Variants in GNG12 observed in about 807,000 individuals in gnomAD.
GNG12 encodes the protein G protein subunit gamma 12, also known as guanine nucleotide-binding protein G(I)/G(S)/G(O) subunit gamma-12.
For missense variants in GNG12, 69 were observed against 83.8 expected (o/e 0.82, Z 0.69); for synonymous variants, 28 against 29.7 (o/e 0.94, Z 0.19).
chr1:67,811,581 T>A (rs1161205835), intron 1 of GNG12, among the ~76,000 whole-genome samples: 2 of 152,142 alleles, frequency 1.3e-5, no homozygotes, highest in East Asian at 3.9e-4. Flanking sequence ...GGACAAAAAT[T>A]TTCAGAAGTG....
chr1:67,807,691 T>C (rs1046411409), intron 1 of GNG12, among the ~76,000 whole-genome samples: 8 of 152,044 alleles, frequency 5.3e-5, no homozygotes, highest in Non-Finnish European at 2.9e-5. Context: ...GCACAATCTA[T>C]GTACACAAAT....
chr1:67,720,943 T>A (rs3766255), intron 2 of GNG12, among the ~76,000 whole-genome samples: 1 of 152,022 alleles, frequency 6.6e-6, no homozygotes, highest in South Asian at 2.1e-4. Context: ...AATAATATAT[T>A]CTTAAGACCA....
intron 2 of GNG12, among the ~76,000 whole-genome samples, chr1:67,711,939 G>C (rs1390285719): frequency 6.6e-6 from 1 of 152,228 alleles, no homozygotes; most frequent in Non-Finnish European, 1.5e-5. Context: ...ACCGTTTCAA[G>C]TTAAGGAGCC....
intron 1 of GNG12, among the ~76,000 whole-genome samples, chr1:67,809,811 T>C (rs1646913292): frequency 6.6e-6 from 1 of 152,090 alleles, no homozygotes; most frequent in African/African-American, 2.4e-5. Flanking sequence ...ACAGAAACTC[T>C]CATTCACTGT....
chr1:67,788,302 A>G (rs566598738), intron 1 of GNG12, among the ~76,000 whole-genome samples: 70 of 152,282 alleles, frequency 4.6e-4, no homozygotes, highest in Admixed American at 4.1e-3. Flanking sequence ...AGTTAACCAA[A>G]TATCTTTCAG....
Position 67,773,680 on chromosome 1 carries a change from T to G in GNG12, c.-27+3778A>C, listed in dbSNP as rs142015144. Among the ~76,000 whole-genome samples, 560 of 152,290 alleles carry G rather than the reference T, an allele frequency of 3.7e-3. 3 individuals are homozygous for G. The highest frequency in any genetic ancestry group is 0.013 in the African/African-American group (532 of 41,560). ...AACCACAACACAGACTGAGTCATAG[T>G]GTAGAATGACTTGAGAGTTGAGAGA... On this transcript the variant is annotated intron_variant, in intron 2 of 3. Coordinates refer to ENST00000370982, the MANE Select transcript of GNG12 (RefSeq NM_018841.6).
chr1:67,810,803 C>T (rs531635772), intron 1 of GNG12, among the ~76,000 whole-genome samples: 42 of 152,168 alleles, frequency 2.8e-4, no homozygotes, highest in Non-Finnish European at 5.3e-4. Context: ...CTGTGATGAC[C>T]GCAATGATGA....
In GNG12 at chr1:67,761,793, G is replaced by A. The variant is rs575309702; in HGVS notation, c.-27+15665C>T. 7.9e-5 allele frequency among the ~76,000 whole-genome samples: 12 copies of A among 152,264 alleles called. No homozygotes were observed. The South Asian group carries it at 2.5e-3, about 32-fold the overall frequency. ...GCACACCATCCGCTTTCTGTCGGGTGAGGGAGGGTGCAGGGAGAGAGGCAG... is the reference window on the plus strand; with the variant it reads ...GCACACCATCCGCTTTCTGTCGGGTAAGGGAGGGTGCAGGGAGAGAGGCAG... On this transcript the variant is annotated intron_variant, in intron 2 of 3. Transcript: ENST00000370982.
At chr1:67,815,362 G>C (rs1197726223) in intron 1 of GNG12, among the ~76,000 whole-genome samples, 2 of 152,092 alleles carry the variant, frequency 1.3e-5, no homozygotes, top group African/African-American at 4.8e-5. Context: ...TACACCTCTT[G>C]AAAAAACAAT....
chr1:67,777,783 C>CCTCTCT (rs1646714864), intron 1 of GNG12, among the ~76,000 whole-genome samples: 1 of 152,130 alleles, frequency 6.6e-6, no homozygotes, highest in Non-Finnish European at 1.5e-5. Flanking sequence ...CTCTCCAAGT[C>CCTCTCT]AGGGGAAGCC....
At chr1:67,830,002 C>CTTTT (rs35214495) in intron 1 of GNG12, among the ~76,000 whole-genome samples, 7 of 117,368 alleles carry the variant, frequency 6.0e-5, no homozygotes, top group Admixed American at 8.9e-5. Context: ...AAGATGGAGG[C>CTTTT]TTTTTTTTTT....
At chr1:67,776,548 C>A (rs1285524242) in intron 2 of GNG12, among the ~76,000 whole-genome samples, 1 of 152,168 alleles carries the variant, frequency 6.6e-6, no homozygotes, top group African/African-American at 2.4e-5. Context: ...TGCCCAATCA[C>A]CATATGAACA....
intron 1 of GNG12, among the ~76,000 whole-genome samples, chr1:67,783,146 T>C (rs2100771751): frequency 6.6e-6 from 1 of 152,308 alleles, no homozygotes; most frequent in South Asian, 2.1e-4. Context: ...ATGGCTACTA[T>C]TTCTTTCTAA....
At chr1:67,746,896 T>G (rs974140400) in intron 2 of GNG12, among the ~76,000 whole-genome samples, 2 of 151,982 alleles carry the variant, frequency 1.3e-5, no homozygotes, top group Admixed American at 6.6e-5. Flanking sequence ...GAAAGGCAGC[T>G]AAACATTCCT....
chr1:67,719,402 G>A (rs534362773), intron 2 of GNG12, among the ~76,000 whole-genome samples: 27 of 152,290 alleles, frequency 1.8e-4, no homozygotes, highest in African/African-American at 6.3e-4. Context: ...CAAAAGGTGG[G>A]CATGGGGAGT....
intron 2 of GNG12, among the ~76,000 whole-genome samples, chr1:67,773,384 T>C (rs564748989): frequency 6.6e-6 from 1 of 152,268 alleles, no homozygotes; most frequent in East Asian, 1.9e-4. Context: ...ACCTTCCCTA[T>C]ACTATTGGAT....
intron 2 of GNG12, among the ~76,000 whole-genome samples, chr1:67,714,268 T>C (rs540577742): frequency 1.1e-4 from 17 of 152,318 alleles, no homozygotes; most frequent in Middle Eastern, 6.8e-3. Flanking sequence ...TGCCAGGCCC[T>C]CTATTTGAAC....
At chr1:67,832,206 T>G (rs1432573905) in intron 1 of GNG12, 1 of 152,246 alleles carries the variant, frequency 6.6e-6, no homozygotes, top group East Asian at 1.9e-4. Context: ...TAAATTCCCG[T>G]TTGTTTCCGC....
At chr1:67,747,045 T>C (rs1646511729) in intron 2 of GNG12, among the ~76,000 whole-genome samples, 1 of 152,186 alleles carries the variant, frequency 6.6e-6, no homozygotes, top group Admixed American at 6.5e-5. Context: ...CCTGATACCA[T>C]TTTGGGATCC....
Sources: gnomAD v4.1 joint callset for allele counts (sites outside exome capture counted in the v4.1 genomes callset) on GRCh38, gnomAD v4.1.1 for gene constraint, MANE v1.5 for transcripts, NCBI Gene and HGNC (gene_info 2026-07-23, HGNC 2026-07-21) for gene names.